The following PPARGC1A variants were observed in gnomAD, a reference collection of about 807,000 sequenced individuals.
PPARGC1A encodes the protein PPARG coactivator 1 alpha, also known as peroxisome proliferator-activated receptor gamma coactivator 1-alpha.
PPARGC1A carries 25 observed loss-of-function variants against 88.7 expected under a neutral mutation model. That is an observed-to-expected ratio of 0.28 (90% CI 0.21 to 0.39). PPARGC1A has a LOEUF of 0.39. Ranked by LOEUF, PPARGC1A falls within the 10% of genes least tolerant of loss-of-function variation. The pLI is 1.00. For missense variants in PPARGC1A, 880 were observed against 968.7 expected (o/e 0.91, Z 1.22); for synonymous variants, 363 against 355.6 (o/e 1.02, Z -0.24).
At chr4:24,229,294 C>G in the PPARGC1A span, among the ~76,000 whole-genome samples, 1 of 150,724 alleles carries the variant, frequency 6.6e-6, no homozygotes, top group Non-Finnish European at 1.5e-5. Context: ...GCCGGGATTA[C>G]AGACACGCGC....
chr4:23,948,246 A>G, the PPARGC1A span, among the ~76,000 whole-genome samples: 3 of 152,198 alleles, frequency 2.0e-5, no homozygotes, highest in Non-Finnish European at 4.4e-5. Context: ...GGGGCTCAGC[A>G]TTTAGCAGAA....
the PPARGC1A span, among the ~76,000 whole-genome samples, chr4:24,127,323 G>A: frequency 6.6e-6 from 1 of 151,798 alleles, no homozygotes; most frequent in African/African-American, 2.4e-5. Context: ...ATAAAAACTG[G>A]TATGGCGGGG....
intron 2 of PPARGC1A, among the ~76,000 whole-genome samples, chr4:23,867,151 T>C (rs1189583790): frequency 1.3e-5 from 2 of 152,182 alleles, no homozygotes; most frequent in East Asian, 3.9e-4. Context: ...CTTCTCACCC[T>C]TTTCACGGAC....
chr4:24,359,343 T>C, the PPARGC1A span, among the ~76,000 whole-genome samples: 1 of 152,208 alleles, frequency 6.6e-6, no homozygotes, highest in Non-Finnish European at 1.5e-5. Context: ...CATTTGCTCC[T>C]GTGGCTTGAC....
At chr4:23,913,253 TATATATATATATATAGAGAGAGAG>T in the PPARGC1A span, among the ~76,000 whole-genome samples, 1 of 42,670 alleles carries the variant, frequency 2.3e-5, no homozygotes, top group Non-Finnish European at 4.4e-5. Context: ...TATATATATA[TATATATATATATATAGAGAGAGAG>T]AGAGAGAGAG....
At chr4:23,830,863 T>C (rs1724868280) in intron 3 of PPARGC1A, among the ~76,000 whole-genome samples, 1 of 152,212 alleles carries the variant, frequency 6.6e-6, no homozygotes, top group South Asian at 2.1e-4. Context: ...CAGTCTTCAT[T>C]GTCTACCATA....
the PPARGC1A span, among the ~76,000 whole-genome samples, chr4:24,018,818 C>T: frequency 6.6e-6 from 1 of 152,050 alleles, no homozygotes; most frequent in Non-Finnish European, 1.5e-5. Flanking sequence ...ACCTGGGGGA[C>T]CTCACCTCAT....
At chr4:24,185,610 T>C in the PPARGC1A span, among the ~76,000 whole-genome samples, 1 of 152,206 alleles carries the variant, frequency 6.6e-6, no homozygotes, top group African/African-American at 2.4e-5. Flanking sequence ...GCTCTTTGTA[T>C]GGGTGATTTA....
At chr4:24,382,957 A>G in the PPARGC1A span, among the ~76,000 whole-genome samples, 1 of 152,208 alleles carries the variant, frequency 6.6e-6, no homozygotes, top group Non-Finnish European at 1.5e-5. Context: ...ACCTCCCAGC[A>G]GGGGTTGATA....
the PPARGC1A span, among the ~76,000 whole-genome samples, chr4:24,088,340 G>A: frequency 6.6e-6 from 1 of 151,654 alleles, no homozygotes; most frequent in African/African-American, 2.4e-5. Flanking sequence ...GGGAGACAGA[G>A]GACAGAGGGA....
At chr4:24,328,450 A>C in the PPARGC1A span, among the ~76,000 whole-genome samples, 4 of 151,284 alleles carry the variant, frequency 2.6e-5, no homozygotes, top group African/African-American at 9.9e-5. Flanking sequence ...TCCCATTAAC[A>C]AAAGAAAAGA....
intron 7 of PPARGC1A, among the ~76,000 whole-genome samples, chr4:23,815,641 C>G (rs559000924): frequency 6.6e-6 from 1 of 152,212 alleles, no homozygotes; most frequent in East Asian, 1.9e-4. Flanking sequence ...AGTTTTCCCC[C>G]AAGTAAGCCC....
chr4:24,172,918 G>A, the PPARGC1A span, among the ~76,000 whole-genome samples: 5 of 152,152 alleles, frequency 3.3e-5, no homozygotes, highest in Admixed American at 6.6e-5. Context: ...ATGTGAAGTT[G>A]CTTTGGCATT....
the PPARGC1A span, chr4:24,091,501 C>G: frequency 3.0e-6 from 3 of 985,348 alleles, no homozygotes; most frequent in Non-Finnish European, 3.6e-6. Flanking sequence ...GTACTTTTTT[C>G]CAGTCTTCTT....
chr4:24,437,640 T>TTC, the PPARGC1A span, among the ~76,000 whole-genome samples: 1 of 150,986 alleles, frequency 6.6e-6, no homozygotes, highest in Non-Finnish European at 1.5e-5. Context: ...GTTGTTGTTT[T>TTC]AGTTTTGGTT....
chr4:23,814,565 T>G lies in PPARGC1A; in HGVS notation c.918A>C (p.Gln306His), dbSNP rs1274079335. 6.2e-7 allele frequency: 1 copy of G among 1,609,754 alleles called. No individual in the cohort carries two copies. The change falls in exon 8 of 13, where the codon CAA becomes CAC. Residue 306 changes from glutamine to histidine, a missense_variant. By Grantham distance (24) the Gln-to-His change is conservative. Coordinates refer to ENST00000264867, the MANE Select transcript of PPARGC1A (RefSeq NM_013261.5). ...PPTTPPHKAN[Q>H]DNPFRASPKL... ...TTGGAGAAGCCCTAAAAGGGTTATCTTGGTTGGCTTTATGAGGAGGAGTGG... is the reference window on the plus strand; with the variant it reads ...TTGGAGAAGCCCTAAAAGGGTTATCGTGGTTGGCTTTATGAGGAGGAGTGG...
chr4:24,290,781 T>A, the PPARGC1A span, among the ~76,000 whole-genome samples: 13 of 152,216 alleles, frequency 8.5e-5, no homozygotes, highest in African/African-American at 2.9e-4. Flanking sequence ...GTGCTGATGA[T>A]TCCTGTATAC....
the PPARGC1A span, among the ~76,000 whole-genome samples, chr4:23,989,885 C>T: frequency 2.7e-5 from 4 of 150,404 alleles, no homozygotes; most frequent in Admixed American, 1.3e-4. Flanking sequence ...AATTTTATCC[C>T]CACCCCAAAA....
At chr4:24,319,182 C>T in the PPARGC1A span, among the ~76,000 whole-genome samples, 3 of 152,046 alleles carry the variant, frequency 2.0e-5, no homozygotes, top group African/African-American at 7.2e-5. Flanking sequence ...CTTGTCTCTA[C>T]AAACAGTTAA....
Sources: gnomAD v4.1 joint callset for allele counts (sites outside exome capture counted in the v4.1 genomes callset) on GRCh38, gnomAD v4.1.1 for gene constraint, MANE v1.5 for transcripts, NCBI Gene and HGNC (gene_info 2026-07-23, HGNC 2026-07-21) for gene names.